The following ZNF148 variants were observed in gnomAD, a reference collection of about 807,000 sequenced individuals.
ZNF148 encodes the protein Beta-Enolase Repressor Factor-1.
Under a neutral mutation model 67.7 loss-of-function variants are expected in ZNF148, and 7 were observed. That is an observed-to-expected ratio of 0.10 (90% confidence interval 0.06 to 0.19). The LOEUF (loss-of-function observed/expected upper bound fraction) is 0.19, where lower values mean the gene tolerates loss of function less well. Ranked by LOEUF, ZNF148 falls within the 10% of genes least tolerant of loss-of-function variation. The pLI is 1.00. For synonymous variants in ZNF148, 333 were observed against 330.7 expected (o/e 1.01, Z -0.08); for missense variants, 583 against 947.1 (o/e 0.62, Z 5.05).
chr3:125,342,668 T>A (rs1288325886), intron 1 of ZNF148, among the ~76,000 whole-genome samples: 1 of 150,914 alleles, frequency 6.6e-6, no homozygotes, highest in African/African-American at 2.4e-5. Context: ...AAGAAAATGA[T>A]TTTTTTAAAA....
rs1935946054 is a variant in ZNF148, at chr3:125,233,476, T to C, written c.1250A>G (p.Tyr417Cys). 1 of 1,613,798 alleles carries C rather than the reference T, an allele frequency of 6.2e-7. No individual in the cohort carries two copies. The highest frequency in any genetic ancestry group is 8.5e-7 in the Non-Finnish European group (1 of 1,179,938). The change falls in exon 9 of 9, where the codon TAT (tyrosine) becomes TGT (cysteine). Residue 417 changes from tyrosine to cysteine, a missense_variant. Around this residue, in one of 5 missense-constraint regions of ZNF148, gnomAD observed 172 missense variants for 307.7 expected, o/e 0.56. Coordinates refer to ENST00000360647, the MANE Select transcript of ZNF148 (RefSeq NM_021964.3). The surrounding 1 kb of genome is among the most constrained non-coding windows in gnomAD (Gnocchi z 5.1). ...ATACTTTGAAACTTTGCTCTCTTCA[T>C]ATGTGGATAAAGGTGAAATTGTTTG... ...QNQTISPLSTYEESKVSKYAF... is the reference protein window; with the variant it reads ...QNQTISPLSTCEESKVSKYAF...
intron 4 of ZNF148, among the ~76,000 whole-genome samples, chr3:125,312,662 T>C (rs1438089927): frequency 6.6e-6 from 1 of 152,084 alleles, no homozygotes; most frequent in African/African-American, 2.4e-5. Flanking sequence ...AAAAAGTACA[T>C]GTTAGATGAA....
intron 4 of ZNF148, among the ~76,000 whole-genome samples, chr3:125,304,936 AAAG>A (rs1225364459): frequency 2.0e-5 from 3 of 152,218 alleles, no homozygotes; most frequent in Non-Finnish European, 4.4e-5. Context: ...GCCAAAAAGC[AAAG>A]AAGTACTCAA....
chr3:125,284,082 CCTCT>C (rs1404413181), intron 5 of ZNF148, among the ~76,000 whole-genome samples: 1 of 151,996 alleles, frequency 6.6e-6, no homozygotes, highest in Non-Finnish European at 1.5e-5. Context: ...TTAAAAATAT[CCTCT>C]CTCTCATTCA....
At chr3:125,286,247 G>A (rs1206591726) in intron 5 of ZNF148, among the ~76,000 whole-genome samples, 1 of 152,104 alleles carries the variant, frequency 6.6e-6, no homozygotes, top group Non-Finnish European at 1.5e-5. Context: ...CCCAAAAAAA[G>A]AAGTGGAGGG....
At chr3:125,343,208 T>C (rs557926146) in intron 1 of ZNF148, among the ~76,000 whole-genome samples, 1 of 152,326 alleles carries the variant, frequency 6.6e-6, no homozygotes, top group South Asian at 2.1e-4. Context: ...TTTGGTTTAG[T>C]ATGCAATCTT....
intron 6 of ZNF148, 38 bp downstream of exon 6, chr3:125,279,086 C>A: frequency 6.5e-7 from 1 of 1,549,260 alleles, no homozygotes; most frequent in Non-Finnish European, 8.7e-7. Flanking sequence ...AAGATAATAA[C>A]TTTAATGGCC....
chr3:125,339,235 T>C (rs1361993637), intron 1 of ZNF148, among the ~76,000 whole-genome samples: 3 of 152,230 alleles, frequency 2.0e-5, no homozygotes, highest in Non-Finnish European at 4.4e-5. Context: ...GGCCAATTTA[T>C]TCTCCATTGG....
chr3:125,368,019 T>G (rs1191572476), intron 1 of ZNF148, among the ~76,000 whole-genome samples: 1 of 152,186 alleles, frequency 6.6e-6, no homozygotes, highest in African/African-American at 2.4e-5. Flanking sequence ...CAAGAGGAAT[T>G]TGGAGTCATT....
chr3:125,350,825 T>C (rs1447888189), intron 1 of ZNF148, among the ~76,000 whole-genome samples: 2 of 152,140 alleles, frequency 1.3e-5, no homozygotes, highest in African/African-American at 2.4e-5. Flanking sequence ...AGTCCATATA[T>C]ATATACACAC....
intron 4 of ZNF148, among the ~76,000 whole-genome samples, chr3:125,298,464 C>T (rs1388470774): frequency 1.5e-4 from 23 of 151,538 alleles, no homozygotes; most frequent in Non-Finnish European, 4.4e-5. Flanking sequence ...ATGGCATATC[C>T]TTTAATCACT....
At chr3:125,352,966 T>C (rs1942208918) in intron 1 of ZNF148, among the ~76,000 whole-genome samples, 1 of 152,150 alleles carries the variant, frequency 6.6e-6, no homozygotes, top group Admixed American at 6.5e-5. Context: ...AATACAAATA[T>C]GTTCAACTGA....
rs557485972 is a variant in ZNF148 at position 125,326,672 on chromosome 3, T to C, written c.-152-3228A>G. Among the ~76,000 whole-genome samples the C allele has an allele frequency of 2.2e-5, 3 of 136,056 alleles. No homozygotes were observed. The East Asian group carries it at 5.9e-4, about 27-fold the overall frequency. The allele number at this position is 136,056 out of a possible 152,430, so 89.3% of individuals were successfully genotyped here. A position where few individuals can be genotyped will look rare whatever the true frequency, so the allele number is the denominator to read the frequency against. On this transcript the variant is annotated intron_variant, in intron 2 of 8. Transcript: ENST00000360647. ...AGTGAAATGACACTATATATATGAG[T>C]ATATATATATATACTTGCTTTATAT...
intron 4 of ZNF148, among the ~76,000 whole-genome samples, chr3:125,291,088 T>C (rs62270333): frequency 0.093 from 14,117 of 152,194 alleles, 841 homozygotes; most frequent in Middle Eastern, 0.14. Context: ...TTGCAAATTT[T>C]GGTCTACCCC....
chr3:125,363,202 CATA>C (rs1273537106), intron 1 of ZNF148, among the ~76,000 whole-genome samples: 2 of 152,200 alleles, frequency 1.3e-5, no homozygotes, highest in African/African-American at 2.4e-5. Flanking sequence ...AATTGGAATG[CATA>C]ATGATTTCTT....
At chr3:125,247,630 G>C (rs1936659844) in intron 7 of ZNF148, among the ~76,000 whole-genome samples, 1 of 152,082 alleles carries the variant, frequency 6.6e-6, no homozygotes, top group African/African-American at 2.4e-5. Flanking sequence ...AGTAGAGACA[G>C]GGTTTCACCA....
At chr3:125,254,583 C>G (rs762494155) in intron 7 of ZNF148, among the ~76,000 whole-genome samples, 1 of 152,130 alleles carries the variant, frequency 6.6e-6, no homozygotes, top group Middle Eastern at 3.2e-3. Context: ...TGAAGACAAC[C>G]CTTTATCATT....
chr3:125,323,834 C>T (rs1940896123), intron 2 of ZNF148, among the ~76,000 whole-genome samples: 1 of 152,086 alleles, frequency 6.6e-6, no homozygotes, highest in Non-Finnish European at 1.5e-5. Context: ...GCAGCCGGCG[C>T]CTGTAATCCC....
At position 125,275,253 on chromosome 3, in the gene ZNF148, T is replaced by C. The variant is rs148039515; in HGVS notation, c.667+2473A>G. On this transcript the variant is annotated intron_variant, in intron 7 of 8. Transcript: ENST00000360647. ...TTGTTAAGGAACCCTAGTGATTGCT[T>C]TGCCCTGGTTCCTCTCAACTCCTTA... Among the ~76,000 whole-genome samples the C allele has an allele frequency of 2.4e-4, 37 of 152,308 alleles. 1 individual carries two copies. The East Asian group carries it at 6.9e-3, about 29-fold the overall frequency.
Sources: gnomAD v4.1 joint callset for allele counts (sites outside exome capture counted in the v4.1 genomes callset) on GRCh38, gnomAD v4.1.1 for gene constraint, gnomAD v4.1.1 regional missense constraint, Gnocchi (gnomAD v3.1) non-coding constraint, MANE v1.5 for transcripts, NCBI Gene and HGNC (gene_info 2026-07-23, HGNC 2026-07-21) for gene names.